Variants in CRB1 observed in about 807,000 individuals in gnomAD.
The protein encoded by CRB1 is protein crumbs homolog 1.
Under a neutral mutation model 120.0 loss-of-function variants are expected in CRB1, and 83 were observed. That is an observed-to-expected ratio of 0.69 (90% CI 0.58 to 0.83). CRB1 has a LOEUF of 0.83. Ranked by LOEUF, CRB1 falls within the 40% of genes least tolerant of loss-of-function variation. The probability of loss-of-function intolerance (pLI) is 0.00; values close to 1 mark genes in which losing one functional copy is unlikely to be tolerated. For synonymous variants in CRB1, 625 were observed against 612.5 expected, an observed-to-expected ratio of 1.02 and a Z score of -0.30; for missense variants, 1,699 against 1,687.6, an observed-to-expected ratio of 1.01 and a Z score of -0.12.
chr1:197,379,500 C>T (rs773282388), intron 5 of CRB1, among the ~76,000 whole-genome samples: 50 of 150,838 alleles, frequency 3.3e-4, no homozygotes, highest in Non-Finnish European at 6.9e-4. Context: ...CAGGGTTTCA[C>T]CGTGTTAGCC....
At chr1:197,452,969 G>C (rs754870723) in intron 11 of CRB1, among the ~76,000 whole-genome samples, 2 of 152,012 alleles carry the variant, frequency 1.3e-5, no homozygotes, top group Admixed American at 6.6e-5. Flanking sequence ...ATAGCCAATA[G>C]ATGGAAACAG....
chr1:197,317,998 T>C (rs1483744469), intron 1 of CRB1, among the ~76,000 whole-genome samples: 1 of 150,634 alleles, frequency 6.6e-6, no homozygotes, highest in East Asian at 1.9e-4. Flanking sequence ...TATAGACAAA[T>C]AGGATTACAT....
intron 1 of CRB1, among the ~76,000 whole-genome samples, chr1:197,307,492 A>T (rs1240341891): frequency 1.3e-5 from 2 of 152,218 alleles, no homozygotes; most frequent in Non-Finnish European, 2.9e-5. Flanking sequence ...GAGTCTAAAG[A>T]GGGAGACTGA....
chr1:197,402,390 G>A (rs1168580440), intron 5 of CRB1, among the ~76,000 whole-genome samples: 2 of 152,054 alleles, frequency 1.3e-5, no homozygotes, highest in Non-Finnish European at 1.5e-5. Context: ...ACATTACCTT[G>A]TTCTTTTTTA....
intron 1 of CRB1, among the ~76,000 whole-genome samples, chr1:197,279,781 C>T (rs1324956776): frequency 6.6e-6 from 1 of 151,466 alleles, no homozygotes; most frequent in Non-Finnish European, 1.5e-5. Context: ...CCCACTACCC[C>T]CTACCCTTTT....
chr1:197,467,989 G>T (rs1265958242), intron 11 of CRB1, among the ~76,000 whole-genome samples: 1 of 152,132 alleles, frequency 6.6e-6, no homozygotes, highest in Non-Finnish European at 1.5e-5. Flanking sequence ...TGGCACATGA[G>T]CTGTCTGCCA....
At chr1:197,315,743 A>G (rs144729615) in intron 1 of CRB1, among the ~76,000 whole-genome samples, 21 of 152,364 alleles carry the variant, frequency 1.4e-4, no homozygotes, top group South Asian at 8.3e-4. Flanking sequence ...TGAGTTGTTC[A>G]GTTTATTCAA....
At chr1:197,204,685 G>T in the CRB1 span, among the ~76,000 whole-genome samples, 1 of 152,114 alleles carries the variant, frequency 6.6e-6, no homozygotes, top group African/African-American at 2.4e-5. Context: ...TCCTTCATCA[G>T]ATGTAGAGAT....
In CRB1 at chr1:197,477,985, C is replaced by A; in HGVS notation, c.*106C>A. Reference sequence around the variant, plus strand: ...CAATGTTAATCTGCAACTGGGATTACACTGGAACTACAGGAATGATTCCTT... The same window carrying A: ...CAATGTTAATCTGCAACTGGGATTAAACTGGAACTACAGGAATGATTCCTT... On this transcript the variant is annotated 3_prime_UTR_variant, in exon 12 of 12. Coordinates refer to ENST00000367400, the MANE Select transcript of CRB1 (RefSeq NM_201253.3). 9.0e-7 allele frequency: 1 copy of A among 1,110,830 alleles called. No individual in the cohort carries two copies. The allele number at this position is 1,110,830 out of a possible 1,614,324, so 68.8% of individuals were successfully genotyped here.
intron 5 of CRB1, among the ~76,000 whole-genome samples, chr1:197,373,033 G>A (rs1426245546): frequency 6.6e-6 from 1 of 152,050 alleles, no homozygotes; most frequent in African/African-American, 2.4e-5. Context: ...GAACTGCCTG[G>A]GGTTTAAAGT....
chr1:197,220,851 C>T, the CRB1 span, among the ~76,000 whole-genome samples: 1 of 152,136 alleles, frequency 6.6e-6, no homozygotes, highest in African/African-American at 2.4e-5. Context: ...CTTGCTTCAC[C>T]TTTGCCTTAC....
chr1:197,293,252 T>C (rs1656304451), intron 1 of CRB1, among the ~76,000 whole-genome samples: 1 of 152,114 alleles, frequency 6.6e-6, no homozygotes, highest in East Asian at 1.9e-4. Context: ...ATCACAAGCA[T>C]TCTTATACAC....
the CRB1 span, among the ~76,000 whole-genome samples, chr1:197,247,786 G>C: frequency 6.6e-6 from 1 of 151,994 alleles, no homozygotes; most frequent in Non-Finnish European, 1.5e-5. Flanking sequence ...AGTTTGTTTA[G>C]TCTGTAAAAT....
At chr1:197,464,747 A>G (rs1030256782) in intron 11 of CRB1, among the ~76,000 whole-genome samples, 11 of 145,538 alleles carry the variant, frequency 7.6e-5, no homozygotes, top group Admixed American at 1.3e-4. Context: ...AATTATCCAG[A>G]AAAAAAACTA....
chr1:197,304,595 A>C (rs1384286582), intron 1 of CRB1, among the ~76,000 whole-genome samples: 1 of 152,224 alleles, frequency 6.6e-6, no homozygotes, highest in Non-Finnish European at 1.5e-5. Flanking sequence ...TGGAAGGCTA[A>C]AACTACATTT....
At chr1:197,208,352 T>C in the CRB1 span, among the ~76,000 whole-genome samples, 9 of 152,322 alleles carry the variant, frequency 5.9e-5, no homozygotes, top group South Asian at 1.9e-3. Flanking sequence ...GGGTAGACTA[T>C]GTTAGAGAGA....
intron 1 of CRB1, among the ~76,000 whole-genome samples, chr1:197,294,933 C>CA (rs1307248853): frequency 1.3e-5 from 2 of 152,066 alleles, no homozygotes; most frequent in Non-Finnish European, 2.9e-5. Context: ...GGAGGGATAG[C>CA]ATTAGGAGAT....
chr1:197,361,610 C>A (rs1189988727), intron 5 of CRB1, among the ~76,000 whole-genome samples: 1 of 151,856 alleles, frequency 6.6e-6, no homozygotes, highest in Admixed American at 6.6e-5. Context: ...TGTTGAACTT[C>A]TGAGCATAAT....
At position 197,328,569 on chromosome 1, in the gene CRB1, C is replaced by T; in HGVS notation, c.218C>T (p.Pro73Leu). The change falls in exon 2 of 12, where the codon CCT becomes CTT. Residue 73 changes from proline to leucine, a missense_variant. Pro to Leu is a moderately conservative substitution (Grantham distance 98). Coordinates refer to ENST00000367400, the MANE Select transcript of CRB1 (RefSeq NM_201253.3). ...AAAGACTGTGACAACATGAAAGACCCTTGCTTCTCCAATCCCTGTCAAGGA... is the reference window on the plus strand; with the variant it reads ...AAAGACTGTGACAACATGAAAGACCTTTGCTTCTCCAATCCCTGTCAAGGA... ...LDKDCDNMKD[P>L]CFSNPCQGSA... is the part of the protein sequence containing the mutation. 1 of 1,614,206 alleles carries T rather than the reference C, an allele frequency of 6.2e-7. No homozygotes were observed. Among genetic ancestry groups the T allele is most frequent in the South Asian group, 1.1e-5 (1 of 91,082 alleles).
Sources: allele counts gnomAD v4.1 joint callset (sites outside exome capture counted in the v4.1 genomes callset), GRCh38; gene constraint gnomAD v4.1.1; transcripts MANE v1.5; gene names NCBI Gene and HGNC (gene_info 2026-07-23, HGNC 2026-07-21).